Variants in MAST4 observed in about 807,000 individuals in gnomAD.
The protein encoded by MAST4 is microtubule-associated serine/threonine-protein kinase 4.
In MAST4, 89 loss-of-function variants were observed where a neutral mutation model predicts 162.7. The ratio of observed to expected loss-of-function variants is 0.55; its 90% confidence interval spans 0.46 to 0.65. The LOEUF is 0.65. Among genes scored for constraint, MAST4 ranks in the 30% least tolerant of loss-of-function variants. MAST4 has a pLI of 0.00. For synonymous variants in MAST4, 1,479 were observed against 1,361.1 expected, an observed-to-expected ratio of 1.09 and a Z score of -1.91; for missense variants, 3,153 against 3,374.0, an observed-to-expected ratio of 0.93 and a Z score of 1.62.
intron 1 of MAST4, among the ~76,000 whole-genome samples, chr5:66,693,374 A>G (rs1405908284): frequency 6.6e-6 from 1 of 152,270 alleles, no homozygotes; most frequent in Non-Finnish European, 1.5e-5. Flanking sequence ...GCTGCAAAGT[A>G]AAGACTTTAT....
intron 1 of MAST4, among the ~76,000 whole-genome samples, chr5:66,693,859 A>G (rs970886793): frequency 5.9e-5 from 9 of 152,200 alleles, no homozygotes; most frequent in Non-Finnish European, 1.0e-4. Context: ...AGGAGTAGGA[A>G]GTTCTTACCC....
chr5:66,754,410 C>G (rs1753396664), intron 1 of MAST4, among the ~76,000 whole-genome samples: 1 of 152,196 alleles, frequency 6.6e-6, no homozygotes, highest in African/African-American at 2.4e-5. Context: ...AGGGTCTTTT[C>G]CACACATGAA....
At chr5:67,104,803 A>G (rs1487116128) in intron 10 of MAST4, among the ~76,000 whole-genome samples, 9 of 152,120 alleles carry the variant, frequency 5.9e-5, no homozygotes, top group Non-Finnish European at 1.3e-4. Context: ...GAATCTTAGG[A>G]CCCAACAATC....
intron 5 of MAST4, among the ~76,000 whole-genome samples, chr5:67,070,490 G>T (rs765217964): frequency 9.9e-5 from 15 of 152,112 alleles, no homozygotes; most frequent in Non-Finnish European, 1.6e-4. Flanking sequence ...TACTAGCAGG[G>T]TAGAAGTTAC....
At chr5:67,031,032 A>G (rs1311647975) in intron 4 of MAST4, among the ~76,000 whole-genome samples, 1 of 152,156 alleles carries the variant, frequency 6.6e-6, no homozygotes, top group Non-Finnish European at 1.5e-5. Context: ...AGTAAAATTG[A>G]TGTCTATTGG....
chr5:67,164,897 T>G lies in MAST4; in HGVS notation c.5718T>G (p.Thr1906=), dbSNP rs1773684605. 6.2e-7 allele frequency: 1 copy of G among 1,613,978 alleles called. No homozygotes were observed. ...GGGACAGGAAAGGTCCCCATCCTAC[T>G]GCCAGGAGCCCTGGAACAGTCATGG... ...FKRDRKGPHP[T]ARSPGTVMES... Residue 1906 remains threonine, a synonymous_variant, in exon 29 of 29, where the codon ACT becomes ACG. Transcript: ENST00000403625. This position sits in a 1 kb window ranked among gnomAD's most constrained non-coding sequence, Gnocchi z 5.3.
intron 3 of MAST4, among the ~76,000 whole-genome samples, chr5:66,840,291 T>G (rs1758327480): frequency 6.6e-6 from 1 of 152,186 alleles, no homozygotes; most frequent in African/African-American, 2.4e-5. Context: ...TTGTTTTATC[T>G]TTTTTAATTA....
chr5:66,843,207 A>G (rs966852311), intron 3 of MAST4, among the ~76,000 whole-genome samples: 5 of 152,218 alleles, frequency 3.3e-5, no homozygotes, highest in African/African-American at 1.2e-4. Context: ...ATAGCACATT[A>G]ATGTCAAAGC....
At chr5:66,870,475 A>G (rs1216940398) in intron 3 of MAST4, among the ~76,000 whole-genome samples, 1 of 152,178 alleles carries the variant, frequency 6.6e-6, no homozygotes, top group African/African-American at 2.4e-5. Flanking sequence ...TGAAATACAG[A>G]CAATTATCAA....
intron 1 of MAST4, among the ~76,000 whole-genome samples, chr5:66,628,323 G>A (rs1004822126): frequency 3.3e-5 from 5 of 149,890 alleles, no homozygotes; most frequent in East Asian, 3.9e-4. Context: ...CATGAGCCAC[G>A]GTGCCTGACT....
chr5:66,883,433 T>G (rs919440926), intron 3 of MAST4, among the ~76,000 whole-genome samples: 47 of 146,634 alleles, frequency 3.2e-4, no homozygotes, highest in Admixed American at 1.8e-3. Context: ...TTTTTTTTTT[T>G]TTTTTTTTTT....
intron 19 of MAST4, among the ~76,000 whole-genome samples, chr5:67,139,759 C>T (rs1037978089): frequency 9.9e-5 from 15 of 152,146 alleles, no homozygotes; most frequent in African/African-American, 3.6e-4. Context: ...TGCTATCACC[C>T]GTATTTTACC....
At chr5:66,624,412 C>G (rs1342139440) in intron 1 of MAST4, among the ~76,000 whole-genome samples, 1 of 152,044 alleles carries the variant, frequency 6.6e-6, no homozygotes, top group Non-Finnish European at 1.5e-5. Context: ...CTCGGCCTCC[C>G]AAAGTGCTGG....
In MAST4 at chr5:67,086,610, T is replaced by C. The variant is rs191560292; in HGVS notation, c.764-3552T>C. On this transcript the variant is annotated intron_variant, in intron 5 of 28. Transcript: ENST00000403625. ...GATACCAGCAGTCTATAAAGTGTCCTAGCACTCAAACATCCAAGAGCCAGC... is the reference window on the plus strand; with the variant it reads ...GATACCAGCAGTCTATAAAGTGTCCCAGCACTCAAACATCCAAGAGCCAGC... Among the ~76,000 whole-genome samples the C allele has an allele frequency of 1.8e-3, 275 of 152,326 alleles. 5 individuals are homozygous for C. Among genetic ancestry groups the C allele is most frequent in the Non-Finnish European group, 6.2e-4 (42 of 68,026 alleles).
At position 67,090,147 on chromosome 5, in the gene MAST4, TTTCTC is replaced by T. The variant is rs1763669695; in HGVS notation, c.764-12_764-8del. 2 of 1,581,356 alleles carry T rather than the reference TTTCTC, an allele frequency of 1.3e-6. No homozygotes were observed. Among genetic ancestry groups the T allele is most frequent in the South Asian group, 2.2e-5 (2 of 89,416 alleles). On this transcript the variant is annotated splice_polypyrimidine_tract_variant and intron_variant, in intron 5 of 28. Transcript: ENST00000403625. ...AAAATCATGTAGTAAATTTCTCTCTTTTCTCTTTCTCTAGGAAATAGCCCTCAAGA... is the reference window on the plus strand; with the variant it reads ...AAAATCATGTAGTAAATTTCTCTCTTTTTCTCTAGGAAATAGCCCTCAAGA...
intron 1 of MAST4, among the ~76,000 whole-genome samples, chr5:66,700,585 G>A (rs981412022): frequency 6.6e-6 from 1 of 151,932 alleles, no homozygotes; most frequent in Admixed American, 6.6e-5. Flanking sequence ...CTGGGAGGCT[G>A]AGGCACGAGA....
chr5:66,834,407 T>C (rs1405064504), intron 3 of MAST4, among the ~76,000 whole-genome samples: 1 of 152,112 alleles, frequency 6.6e-6, no homozygotes, highest in East Asian at 1.9e-4. Flanking sequence ...CTCAACCTTA[T>C]TTTCTGAACT....
chr5:66,832,606 A>G (rs974331198), intron 3 of MAST4, among the ~76,000 whole-genome samples: 4 of 152,200 alleles, frequency 2.6e-5, no homozygotes, highest in African/African-American at 4.8e-5. Context: ...CTCATGGTGC[A>G]TGAATGTATA....
At chr5:67,130,115 T>C in intron 14 of MAST4, 95 bp from the exon 15 acceptor site, 1 of 1,205,410 alleles carries the variant, frequency 8.3e-7, no homozygotes, top group Non-Finnish European at 1.2e-6. Flanking sequence ...TGTGAGAACT[T>C]TTAAAAAGTT....
Sources: allele counts gnomAD v4.1 joint callset (sites outside exome capture counted in the v4.1 genomes callset), GRCh38; gene constraint gnomAD v4.1.1; non-coding constraint Gnocchi (gnomAD v3.1); transcripts MANE v1.5; gene names NCBI Gene and HGNC (gene_info 2026-07-23, HGNC 2026-07-21).